Variants in SEMA3E observed in about 807,000 individuals in gnomAD.
SEMA3E encodes semaphorin-3E.
Under a neutral mutation model 93.6 loss-of-function variants are expected in SEMA3E, and 49 were observed. That is an observed-to-expected ratio of 0.52 (90% CI 0.42 to 0.66). The LOEUF (loss-of-function observed/expected upper bound fraction) is 0.66, where lower values mean the gene tolerates loss of function less well. Ranked by LOEUF, SEMA3E falls within the 30% of genes least tolerant of loss-of-function variation. The pLI is 0.00. For synonymous variants in SEMA3E, 363 were observed against 330.7 expected (o/e 1.10, Z -1.06); for missense variants, 906 against 964.8 (o/e 0.94, Z 0.81).
intron 5 of SEMA3E, among the ~76,000 whole-genome samples, chr7:83,409,045 T>C (rs969504676): frequency 7.2e-5 from 11 of 152,270 alleles, no homozygotes; most frequent in Non-Finnish European, 1.6e-4. Context: ...ATTTGTAAAT[T>C]TGTGGCTCAG....
chr7:83,427,181 T>C (rs1260228506), intron 4 of SEMA3E, among the ~76,000 whole-genome samples: 2 of 151,990 alleles, frequency 1.3e-5, no homozygotes, highest in Non-Finnish European at 2.9e-5. Context: ...CTTTTCTTTC[T>C]TCCTTCCTTC....
Position 83,490,167 on chromosome 7 carries a change from T to G in SEMA3E, c.223A>C (p.Arg75=). 1 of 1,613,176 alleles carries G rather than the reference T, an allele frequency of 6.2e-7. No homozygotes were observed. Among genetic ancestry groups the G allele is most frequent in the Non-Finnish European group, 8.5e-7 (1 of 1,179,446 alleles). Reference sequence around the variant, plus strand: ...AAGCTGAGGGAATATACAAGGTCCCTGCCTCCCACGAAGAGCCTCTCTTGA... The same window carrying G: ...AAGCTGAGGGAATATACAAGGTCCCGGCCTCCCACGAAGAGCCTCTCTTGA... The part of the protein sequence containing the change: ...EYQERLFVGG[R]DLVYSLSLER... Residue 75 remains arginine (R), a synonymous_variant, in exon 2 of 17, where the codon AGG becomes CGG. Transcript: ENST00000643230.
chr7:83,402,790 A>G lies in SEMA3E; in HGVS notation c.999-14T>C. On this transcript the variant is annotated splice_polypyrimidine_tract_variant and intron_variant, in intron 9 of 16. Transcript: ENST00000643230. The stretch of plus-strand genomic sequence containing the variant: ...CGAAAAATATTACTGAAAAATACAA[A>G]AAAGATAATTATTCTTCTGGAACTA... The G allele has an allele frequency of 6.2e-7, 1 of 1,609,218 alleles. No homozygotes were observed. Among genetic ancestry groups the G allele is most frequent in the Non-Finnish European group, 8.5e-7 (1 of 1,177,048 alleles).
At chr7:83,392,504 A>G in intron 14 of SEMA3E, 51 bp downstream of exon 14, 1 of 1,559,876 alleles carries the variant, frequency 6.4e-7, no homozygotes, top group East Asian at 2.3e-5. Flanking sequence ...AAAAAAAAGC[A>G]TTAGGGTTTT....
At chr7:83,441,873 GTGTTTTT>G (rs1484382533) in intron 4 of SEMA3E, among the ~76,000 whole-genome samples, 8 of 152,194 alleles carry the variant, frequency 5.3e-5, no homozygotes, top group African/African-American at 1.9e-4. Flanking sequence ...GCTGGTGAGA[GTGTTTTT>G]TGTTTTATTT....
chr7:83,524,437 A>C (rs35862308), intron 1 of SEMA3E, among the ~76,000 whole-genome samples: 80,100 of 151,958 alleles, frequency 0.53, 23,460 homozygotes, highest in Middle Eastern at 0.7. Context: ...AATTCCAAAT[A>C]GTTTCATTAC....
chr7:83,563,322 T>C (rs1336842680), intron 1 of SEMA3E, among the ~76,000 whole-genome samples: 1 of 152,220 alleles, frequency 6.6e-6, no homozygotes, highest in Non-Finnish European at 1.5e-5. Flanking sequence ...TTCAACAAAA[T>C]ACATTTCTCT....
intron 1 of SEMA3E, among the ~76,000 whole-genome samples, chr7:83,592,133 C>T (rs1792768036): frequency 6.6e-6 from 1 of 151,804 alleles, no homozygotes; most frequent in Non-Finnish European, 1.5e-5. Flanking sequence ...AATTCTTTAC[C>T]ATAAGCTTTA....
At chr7:83,622,523 A>C (rs560513608) in intron 1 of SEMA3E, among the ~76,000 whole-genome samples, 1 of 152,244 alleles carries the variant, frequency 6.6e-6, no homozygotes, top group South Asian at 2.1e-4. Context: ...ATAAAGATAC[A>C]TGCACACATA....
chr7:83,372,795 A>G (rs1794767228), intron 16 of SEMA3E: 1 of 152,220 alleles, frequency 6.6e-6, no homozygotes, highest in South Asian at 2.1e-4. Flanking sequence ...GCCATACATT[A>G]TGTAGGTTAA....
chr7:83,601,946 G>A (rs1285870529), intron 1 of SEMA3E, among the ~76,000 whole-genome samples: 1 of 152,182 alleles, frequency 6.6e-6, no homozygotes, highest in African/African-American at 2.4e-5. Context: ...ATGGGGAGAT[G>A]TAAAGACAAA....
chr7:83,416,333 T>A (rs376351346), intron 5 of SEMA3E, among the ~76,000 whole-genome samples: 20 of 152,070 alleles, frequency 1.3e-4, no homozygotes, highest in South Asian at 4.2e-4. Flanking sequence ...TTCAGCATAG[T>A]GTAATTTGAT....
At chr7:83,403,740 C>G (rs906555868) in intron 9 of SEMA3E, among the ~76,000 whole-genome samples, 5 of 151,764 alleles carry the variant, frequency 3.3e-5, no homozygotes, top group African/African-American at 1.2e-4. Context: ...TGTCCTACAC[C>G]CCCAATTTAC....
intron 1 of SEMA3E, among the ~76,000 whole-genome samples, chr7:83,514,832 T>A (rs1323575184): frequency 1.3e-5 from 2 of 151,258 alleles, no homozygotes; most frequent in Non-Finnish European, 3.0e-5. Flanking sequence ...TCCATCAGGA[T>A]TTTTTTTTAA....
At chr7:83,475,610 G>T (rs1161501123) in intron 2 of SEMA3E, among the ~76,000 whole-genome samples, 3 of 151,618 alleles carry the variant, frequency 2.0e-5, no homozygotes, top group Non-Finnish European at 4.4e-5. Context: ...GACCGGAGGG[G>T]CAAGGACACT....
In SEMA3E at chr7:83,365,288, A is replaced by G. The variant is rs986139473; in HGVS notation, c.*2298T>C. 6.6e-6 allele frequency: 1 copy of G among 152,100 alleles called. No individual in the cohort carries two copies. Among genetic ancestry groups the G allele is most frequent in the Non-Finnish European group, 1.5e-5 (1 of 68,012 alleles). The allele number at this position is 152,100 out of a possible 1,614,324, so 9.4% of individuals were successfully genotyped here. On this transcript the variant is annotated 3_prime_UTR_variant, in exon 17 of 17. Transcript: ENST00000643230. Reference sequence around the variant, plus strand: ...TCCCATTTCTCTTCAGTACTGCCATAAACAGGCGGGAAGCAAGATTATATA... The same window carrying G: ...TCCCATTTCTCTTCAGTACTGCCATGAACAGGCGGGAAGCAAGATTATATA...
intron 1 of SEMA3E, among the ~76,000 whole-genome samples, chr7:83,546,440 G>C (rs541764729): frequency 6.6e-6 from 1 of 150,386 alleles, no homozygotes; most frequent in Non-Finnish European, 1.5e-5. Context: ...GCTGCCAAAG[G>C]CACAGAGTCC....
chr7:83,554,627 T>C (rs1791844201), intron 1 of SEMA3E, among the ~76,000 whole-genome samples: 4 of 152,164 alleles, frequency 2.6e-5, no homozygotes, highest in African/African-American at 9.6e-5. Context: ...TCCTTTGAAT[T>C]TTTCTTTTCA....
At chr7:83,406,989 T>A in intron 7 of SEMA3E, 108 bp downstream of exon 7, 1 of 1,325,000 alleles carries the variant, frequency 7.5e-7, no homozygotes, top group South Asian at 1.2e-5. Context: ...TTGTAGGCAG[T>A]CTAAAGAATA....
Sources: allele counts gnomAD v4.1 joint callset (sites outside exome capture counted in the v4.1 genomes callset), GRCh38; gene constraint gnomAD v4.1.1; transcripts MANE v1.5; gene names NCBI Gene and HGNC (gene_info 2026-07-23, HGNC 2026-07-21).